Variants in FREM2 observed in about 807,000 individuals in gnomAD.
FREM2 encodes the protein FRAS1 related extracellular matrix 2.
In FREM2, 119 loss-of-function variants were observed where a neutral mutation model predicts 219.9. The observed-to-expected ratio is 0.54, with a 90% CI of 0.47 to 0.63. The LOEUF is 0.63. Ranked by LOEUF, FREM2 falls within the 30% of genes least tolerant of loss-of-function variation. The pLI, the probability that FREM2 is intolerant of heterozygous loss-of-function variation, is 0.00. For missense variants in FREM2, 4,030 were observed against 3,993.6 expected (o/e 1.01, Z -0.25); for synonymous variants, 1,562 against 1,522.8 (o/e 1.03, Z -0.60).
chr13:38,772,021 T>TC (rs1873684041), intron 4 of FREM2, among the ~76,000 whole-genome samples: 1 of 152,036 alleles, frequency 6.6e-6, no homozygotes, highest in Non-Finnish European at 1.5e-5. Context: ...GGATCACTTT[T>TC]CCCCCCATTT....
intron 2 of FREM2, among the ~76,000 whole-genome samples, chr13:38,702,972 T>C (rs1374696986): frequency 6.6e-6 from 1 of 152,188 alleles, no homozygotes; most frequent in African/African-American, 2.4e-5. Context: ...TATTGAAGGA[T>C]ATTATAAATA....
At chr13:38,692,591 G>C in intron 1 of FREM2, 74 bp downstream of exon 1, 1 of 1,526,508 alleles carries the variant, frequency 6.6e-7, no homozygotes, top group Non-Finnish European at 9.0e-7. Flanking sequence ...CTCACAAACA[G>C]AGCATTAAAT....
chr13:38,822,347 C>CTTTTT (rs951562767), intron 6 of FREM2, among the ~76,000 whole-genome samples: 4 of 100,026 alleles, frequency 4.0e-5, no homozygotes, highest in African/African-American at 3.1e-5. Context: ...TTCTTTCTTT[C>CTTTTT]TTTTTTTTTT....
chr13:38,799,793 T>C (rs1874939843), intron 6 of FREM2, among the ~76,000 whole-genome samples: 1 of 152,122 alleles, frequency 6.6e-6, no homozygotes, highest in Non-Finnish European at 1.5e-5. Flanking sequence ...TACCTACTCT[T>C]ATTTTATTTT....
At chr13:38,820,840 G>T (rs1876015256) in intron 6 of FREM2, among the ~76,000 whole-genome samples, 1 of 152,152 alleles carries the variant, frequency 6.6e-6, no homozygotes, top group Admixed American at 6.6e-5. Context: ...CCATGGACTT[G>T]CAGGGCTATG....
At position 38,688,145 on chromosome 13, in the gene FREM2, C is replaced by CT; in HGVS notation, c.801_802insT (p.His268SerfsTer82). 1 of 1,613,422 alleles carries CT rather than the reference C, an allele frequency of 6.2e-7. No homozygotes were observed. ...TCCAGGAACTAGGCGTGCGCTATCG[C>CT]CACACAGCCGCCAGTCGCTCACCAA... On this transcript the variant is annotated frameshift_variant, in exon 1 of 24. Transcript: ENST00000280481. LOFTEE classifies it high-confidence loss of function.
Position 38,795,562 on chromosome 13 carries a change from G to A in FREM2, c.6019+10754G>A, listed in dbSNP as rs550846033. Among the ~76,000 whole-genome samples the A allele has an allele frequency of 1.6e-4, 24 of 152,150 alleles. No individual in the cohort carries two copies. In the East Asian group the frequency reaches 4.6e-3, roughly 29 times the overall value. ...ATATTTGGAGGATATTCATCACCTT[G>A]AATATTTATCATTTCTATGTGTTGG... On this transcript the variant is annotated intron_variant, in intron 6 of 23. Coordinates refer to ENST00000280481, the MANE Select transcript of FREM2 (RefSeq NM_207361.6).
At chr13:38,790,165 G>A (rs1874501624) in intron 6 of FREM2, among the ~76,000 whole-genome samples, 1 of 151,988 alleles carries the variant, frequency 6.6e-6, no homozygotes, top group Non-Finnish European at 1.5e-5. Context: ...TTTTTTCCCC[G>A]TCCAGAATTT....
In FREM2 at chr13:38,770,319, A is replaced by G. The variant is rs147422495; in HGVS notation, c.5641+511A>G. On this transcript the variant is annotated intron_variant, in intron 4 of 23. Transcript: ENST00000280481. ...GCTATCCTCCCAACTCAGCCTCCCA[A>G]AGCACTGGGATTACAGGTATGAGAC... Among the ~76,000 whole-genome samples, 7 of 151,656 alleles carry G rather than the reference A, an allele frequency of 4.6e-5. No homozygotes were observed. In the East Asian group the frequency reaches 1.4e-3, roughly 29 times the overall value.
intron 2 of FREM2, among the ~76,000 whole-genome samples, chr13:38,752,165 CTCTG>C (rs1255327084): frequency 6.6e-6 from 1 of 152,122 alleles, no homozygotes; most frequent in Admixed American, 6.6e-5. Flanking sequence ...TTGTCCCTGT[CTCTG>C]TCTGTCTCCA....
At chr13:38,824,752 C>G (rs973417255) in intron 6 of FREM2, among the ~76,000 whole-genome samples, 3 of 151,988 alleles carry the variant, frequency 2.0e-5, no homozygotes, top group Admixed American at 6.6e-5. Context: ...CACAAAATGC[C>G]TATCTACAAT....
In FREM2 at chr13:38,687,357, G is replaced by T. The variant is rs374997939; in HGVS notation, c.13G>T (p.Gly5Trp). The T allele has an allele frequency of 3.1e-6, 5 of 1,605,922 alleles. No individual in the cohort carries two copies. The highest frequency in any genetic ancestry group is 1.3e-5 in the African/African-American group (1 of 74,778). Reference sequence around the variant, plus strand: ...GAACACCGGGACCATGCACTCAGCCGGGACTCCCGGGTTATCCTCGCGCCG... The same window carrying T: ...GAACACCGGGACCATGCACTCAGCCTGGACTCCCGGGTTATCCTCGCGCCG... The part of the protein sequence containing the change: MHSA[G>W]TPGLSSRRTG... Residue 5 changes from glycine to tryptophan, a missense_variant, in exon 1 of 24, where the codon GGG (glycine) becomes TGG (tryptophan). Coordinates refer to ENST00000280481, the MANE Select transcript of FREM2 (RefSeq NM_207361.6).
chr13:38,885,047 A>G lies in FREM2; in HGVS notation c.*4260A>G, dbSNP rs1566179235. 6.6e-6 allele frequency: 1 copy of G among 152,214 alleles called. No homozygotes were observed. Among genetic ancestry groups the G allele is most frequent in the Non-Finnish European group, 1.5e-5 (1 of 68,020 alleles). The allele number at this position is 152,214 out of a possible 1,614,324, so 9.4% of individuals were successfully genotyped here. On this transcript the variant is annotated 3_prime_UTR_variant, in exon 24 of 24. Transcript: ENST00000280481. ...GAAACATTATATATAGGTTCAAATT[A>G]TCCCTTAATGTTGATTTCTCCCCTT... is the stretch of plus-strand genomic sequence containing the variant.
intron 2 of FREM2, among the ~76,000 whole-genome samples, chr13:38,725,670 A>C (rs1348108368): frequency 6.6e-6 from 1 of 152,216 alleles, no homozygotes; most frequent in African/African-American, 2.4e-5. Context: ...CCTGTCATTC[A>C]GACCCGTTTG....
chr13:38,826,681 A>C lies in FREM2; in HGVS notation c.6020-19892A>C, dbSNP rs1018318532. Among the ~76,000 whole-genome samples, 31 of 152,110 alleles carry C rather than the reference A, an allele frequency of 2.0e-4. 1 individual carries two copies. The highest frequency in any genetic ancestry group is 6.6e-5 in the Admixed American group (1 of 15,258). ...ACAGATTGTGTTTGACACCATATTA[A>C]TCGTCATCTTTCTTCATTCAGCTGT... On this transcript the variant is annotated intron_variant, in intron 6 of 23. Coordinates refer to ENST00000280481, the MANE Select transcript of FREM2 (RefSeq NM_207361.6).
intron 2 of FREM2, among the ~76,000 whole-genome samples, chr13:38,729,937 A>G (rs1282287593): frequency 6.6e-6 from 1 of 152,244 alleles, no homozygotes; most frequent in Admixed American, 6.5e-5. Flanking sequence ...GACAGAAACA[A>G]TAGTCAGAAT....
At chr13:38,722,558 A>G (rs1871324470) in intron 2 of FREM2, among the ~76,000 whole-genome samples, 1 of 152,060 alleles carries the variant, frequency 6.6e-6, no homozygotes, top group African/African-American at 2.4e-5. Context: ...GCATGCATCA[A>G]AATAACCTGG....
chr13:38,710,492 T>TA lies in FREM2; in HGVS notation c.5263+12707dup, dbSNP rs549188261. ...TTCATTAAACTTTCTGCTAATCTGT[T>TA]AATCAATCGAGATGCATTTCACCCT... On this transcript the variant is annotated intron_variant, in intron 2 of 23. Coordinates refer to ENST00000280481, the MANE Select transcript of FREM2 (RefSeq NM_207361.6). Among the ~76,000 whole-genome samples, 28 of 152,332 alleles carry TA rather than the reference T, an allele frequency of 1.8e-4. No individual in the cohort carries two copies. The South Asian group carries it at 5.8e-3, about 32-fold the overall frequency.
chr13:38,696,462 G>A (rs192622972), intron 1 of FREM2, among the ~76,000 whole-genome samples: 2 of 152,210 alleles, frequency 1.3e-5, no homozygotes, highest in East Asian at 1.9e-4. Context: ...AGAGCTTTTA[G>A]GAGATGAAAA....
Sources: allele counts gnomAD v4.1 joint callset (sites outside exome capture counted in the v4.1 genomes callset), GRCh38; gene constraint gnomAD v4.1.1; transcripts MANE v1.5; gene names NCBI Gene and HGNC (gene_info 2026-07-23, HGNC 2026-07-21).